The following LRFN5 variants were observed in gnomAD, a reference collection of about 807,000 sequenced individuals.
The protein encoded by LRFN5 is leucine-rich repeat and fibronectin type-III domain-containing protein 5.
In LRFN5, 24 loss-of-function variants were observed where a neutral mutation model predicts 45.6. The ratio of observed to expected loss-of-function variants is 0.53; its 90% CI spans 0.38 to 0.74. The LOEUF (loss-of-function observed/expected upper bound fraction) is 0.74, where lower values mean the gene tolerates loss of function less well. LRFN5 is among the 30% of genes least tolerant of loss of function. The pLI is 0.00. For missense variants in LRFN5, 776 were observed against 861.5 expected, an observed-to-expected ratio of 0.90 and a Z score of 1.24; for synonymous variants, 340 against 313.8, an observed-to-expected ratio of 1.08 and a Z score of -0.88.
chr14:41,805,122 A>G (rs1472285874), intron 2 of LRFN5, among the ~76,000 whole-genome samples: 1 of 150,158 alleles, frequency 6.7e-6, no homozygotes, highest in Non-Finnish European at 1.5e-5. Context: ...TGTATTTTCA[A>G]TTTAAATAAA....
rs1491575686 is a variant in LRFN5, at chr14:41,742,310, T to TAC, written c.-196-24543_-196-24542insCA. ...AGATTAATGAAGAAAATGTGGTGTGTATACACACACACACACACACACACA... is the reference window on the plus strand; with the variant it reads ...AGATTAATGAAGAAAATGTGGTGTGTACATACACACACACACACACACACACA... On this transcript the variant is annotated intron_variant, in intron 1 of 5. Coordinates refer to ENST00000298119, the MANE Select transcript of LRFN5 (RefSeq NM_152447.5). 1.9e-4 allele frequency among the ~76,000 whole-genome samples: 18 copies of TAC among 94,058 alleles called. No individual in the cohort carries two copies. In the South Asian group the frequency reaches 5.6e-3, roughly 29 times the overall value. 61.7% of individuals were successfully genotyped at this position (94,058 alleles called of 152,430 possible).
At chr14:41,749,596 T>G (rs904039080) in intron 1 of LRFN5, among the ~76,000 whole-genome samples, 4 of 152,126 alleles carry the variant, frequency 2.6e-5, no homozygotes, top group Non-Finnish European at 5.9e-5. Context: ...CGCTCTCACT[T>G]ATAAGTGAAA....
intron 2 of LRFN5, among the ~76,000 whole-genome samples, chr14:41,831,026 A>G (rs189985521): frequency 7.9e-5 from 12 of 152,190 alleles, no homozygotes; most frequent in Non-Finnish European, 1.3e-4. Flanking sequence ...TTACAACTTT[A>G]TACAGTCTAT....
intron 2 of LRFN5, among the ~76,000 whole-genome samples, chr14:41,885,727 T>C (rs1423564974): frequency 6.6e-6 from 1 of 152,032 alleles, no homozygotes; most frequent in Non-Finnish European, 1.5e-5. Context: ...AGTTAAGATG[T>C]GAAGATTGGC....
At chr14:41,736,846 A>C (rs1257603582) in intron 1 of LRFN5, among the ~76,000 whole-genome samples, 1 of 152,134 alleles carries the variant, frequency 6.6e-6, no homozygotes, top group Non-Finnish European at 1.5e-5. Context: ...TTCTGAAATT[A>C]AGGCAGTAAT....
chr14:41,890,427 G>A (rs1327026593), intron 3 of LRFN5, among the ~76,000 whole-genome samples: 1 of 152,006 alleles, frequency 6.6e-6, no homozygotes, highest in East Asian at 1.9e-4. Flanking sequence ...CTTTAATCAG[G>A]CCGGGCGCGG....
intron 2 of LRFN5, among the ~76,000 whole-genome samples, chr14:41,842,542 A>G (rs1395555280): frequency 6.6e-6 from 1 of 152,142 alleles, no homozygotes; most frequent in Non-Finnish European, 1.5e-5. Flanking sequence ...TTATATCATT[A>G]AAATTTATAA....
chr14:41,851,592 T>G (rs1466993660), intron 2 of LRFN5, among the ~76,000 whole-genome samples: 1 of 151,834 alleles, frequency 6.6e-6, no homozygotes. Context: ...ATCTGTTCAG[T>G]GTGGAAACTT....
In LRFN5 at chr14:41,670,256, GATATATATATATATATATATAT is replaced by G. The variant is rs1165968461; in HGVS notation, c.-197+61722_-197+61743del. Among the ~76,000 whole-genome samples the G allele has an allele frequency of 3.1e-3, 140 of 45,746 alleles. 5 individuals carry two copies. Among genetic ancestry groups the G allele is most frequent in the African/African-American group, 7.5e-3 (93 of 12,378 alleles). The allele number at this position is 45,746 out of a possible 152,430, so 30.0% of individuals were successfully genotyped here. A position where few individuals can be genotyped will look rare whatever the true frequency, so the allele number is the denominator to read the frequency against. On this transcript the variant is annotated intron_variant, in intron 1 of 5. Transcript: ENST00000298119. Reference sequence around the variant, plus strand: ...ACACACACACACACACATACACACAGATATATATATATATATATATATATATATATATATATATATATATATA... The same window carrying G: ...ACACACACACACACACATACACACAGATATATATATATATATATATATATA...
chr14:41,850,490 A>G (rs1481868792), intron 2 of LRFN5, among the ~76,000 whole-genome samples: 1 of 151,904 alleles, frequency 6.6e-6, no homozygotes. Flanking sequence ...TATTATTACT[A>G]CCAAGTTATT....
At position 41,891,523 on chromosome 14, in the gene LRFN5, G is replaced by C; in HGVS notation, c.1659G>C (p.Lys553Asn). The C allele has an allele frequency of 6.2e-7, 1 of 1,614,108 alleles. No homozygotes were observed. Among genetic ancestry groups the C allele is most frequent in the Non-Finnish European group, 8.5e-7 (1 of 1,180,018 alleles). Reference protein sequence around the residue: ...VFIIILMIRYKVCNNNGQHKV... With the variant: ...VFIIILMIRYNVCNNNGQHKV... ...TCATTATTCTGATGATCCGGTATAA[G>C]GTTTGCAACAATAATGGGCAACACA... The change falls in exon 4 of 6, where the codon AAG (lysine) becomes AAC (asparagine). Residue 553 changes from lysine (K) to asparagine (N), a missense_variant. This residue lies in a region of LRFN5 where 465 missense variants were observed against 456.4 expected (regional missense o/e 1.02). Coordinates refer to ENST00000298119, the MANE Select transcript of LRFN5 (RefSeq NM_152447.5).
chr14:41,841,289 A>G (rs1292939840), intron 2 of LRFN5, among the ~76,000 whole-genome samples: 2 of 151,968 alleles, frequency 1.3e-5, no homozygotes, highest in Non-Finnish European at 1.5e-5. Context: ...AGAAATTTCT[A>G]GAATTATACT....
chr14:41,618,190 A>C (rs954736284), intron 1 of LRFN5, among the ~76,000 whole-genome samples: 1 of 152,152 alleles, frequency 6.6e-6, no homozygotes, highest in Non-Finnish European at 1.5e-5. Context: ...ATCTTTTCTA[A>C]AGTAAGCCCT....
At chr14:41,722,801 T>G (rs1883781488) in intron 1 of LRFN5, among the ~76,000 whole-genome samples, 1 of 152,162 alleles carries the variant, frequency 6.6e-6, no homozygotes, top group Non-Finnish European at 1.5e-5. Flanking sequence ...GGGAGCTCTC[T>G]GTTCCCTCAG....
chr14:41,642,972 C>G (rs1317372391), intron 1 of LRFN5, among the ~76,000 whole-genome samples: 1 of 152,050 alleles, frequency 6.6e-6, no homozygotes, highest in Non-Finnish European at 1.5e-5. Context: ...CAATTTATAC[C>G]ATATATCTTA....
chr14:41,856,578 A>G (rs935863944), intron 2 of LRFN5, among the ~76,000 whole-genome samples: 4 of 150,510 alleles, frequency 2.7e-5, no homozygotes, highest in African/African-American at 9.8e-5. Flanking sequence ...TTTATTGAAC[A>G]TGTTTTGATC....
chr14:41,895,096 A>G, intron 4 of LRFN5: 2 of 975,296 alleles, frequency 2.1e-6, no homozygotes, highest in Non-Finnish European at 2.4e-6. Context: ...TGTATTAACG[A>G]TGTTTACTTC....
At chr14:41,628,867 T>A (rs936671045) in intron 1 of LRFN5, among the ~76,000 whole-genome samples, 1 of 152,122 alleles carries the variant, frequency 6.6e-6, no homozygotes, top group Non-Finnish European at 1.5e-5. Context: ...ACTCACCTTC[T>A]TTTGTGTCTC....
At chr14:41,733,584 T>C (rs1884275693) in intron 1 of LRFN5, 1 of 151,970 alleles carries the variant, frequency 6.6e-6, no homozygotes. Context: ...TAAGAAGACA[T>C]CAAACAGTAG....
Sources: gnomAD v4.1 joint callset for allele counts (sites outside exome capture counted in the v4.1 genomes callset) on GRCh38, gnomAD v4.1.1 for gene constraint, gnomAD v4.1.1 regional missense constraint, MANE v1.5 for transcripts, NCBI Gene and HGNC (gene_info 2026-07-23, HGNC 2026-07-21) for gene names.